Variants in ERMP1 observed in about 807,000 individuals in gnomAD.
ERMP1 encodes the protein endoplasmic reticulum metallopeptidase 1.
Under a neutral mutation model 92.0 loss-of-function variants are expected in ERMP1, and 86 were observed. The observed-to-expected ratio is 0.93, with a 90% CI of 0.79 to 1.12. The LOEUF is 1.12. ERMP1 is among the 50% of genes most tolerant of loss of function. The probability of loss-of-function intolerance (pLI) is 0.00; values close to 1 mark genes in which losing one functional copy is unlikely to be tolerated. For missense variants in ERMP1, 1,342 were observed against 1,116.3 expected, an observed-to-expected ratio of 1.20 and a Z score of -2.88; for synonymous variants, 530 against 412.8, an observed-to-expected ratio of 1.28 and a Z score of -3.44.
At chr9:5,804,203 G>A (rs149359749) in intron 10 of ERMP1, among the ~76,000 whole-genome samples, 299 of 152,270 alleles carry the variant, frequency 2.0e-3, no homozygotes, top group African/African-American at 6.9e-3. Flanking sequence ...ACCTCTGAGT[G>A]TTCAATAATT....
At chr9:5,843,686 A>G (rs892896715) in intron 6 of ERMP1, among the ~76,000 whole-genome samples, 1 of 152,202 alleles carries the variant, frequency 6.6e-6, no homozygotes, top group African/African-American at 2.4e-5. Context: ...GGAACAGTGA[A>G]TAAGTAGCAG....
chr9:5,787,547 T>A lies in ERMP1; in HGVS notation c.2433A>T (p.Thr811=). The A allele has an allele frequency of 6.2e-7, 1 of 1,613,570 alleles. No individual in the cohort carries two copies. The highest frequency in any genetic ancestry group is 8.5e-7 in the Non-Finnish European group (1 of 1,179,752). ...CATTGCCAAGAGACCACTGAGAAAG[T>A]GTTGACCCTTTGTGGGCTCGAACAT... ...SFYVRAHKGS[T]LSQWSLGNGT... is the part of the protein sequence containing the mutation. The change falls in exon 14 of 15, where the codon ACA becomes ACT. Residue 811 remains threonine (T), a synonymous_variant. Transcript: ENST00000339450.
At chr9:5,804,104 GCTCA>G (rs748498892) in intron 10 of ERMP1, among the ~76,000 whole-genome samples, 5 of 152,050 alleles carry the variant, frequency 3.3e-5, no homozygotes, top group African/African-American at 9.7e-5. Flanking sequence ...GTATGAAAAG[GCTCA>G]CTATCATCTC....
At chr9:5,795,658 T>A (rs560410076) in intron 13 of ERMP1, among the ~76,000 whole-genome samples, 311 of 151,934 alleles carry the variant, frequency 2.0e-3, no homozygotes, top group African/African-American at 6.9e-3. Flanking sequence ...GGTGCCTGTA[T>A]TCCCAGCTAC....
intron 2 of ERMP1, among the ~76,000 whole-genome samples, chr9:5,827,902 C>T (rs925285279): frequency 3.3e-5 from 5 of 152,204 alleles, no homozygotes; most frequent in Admixed American, 6.5e-5. Context: ...GGCGTGAACC[C>T]GGGAGGCAGA....
chr9:5,787,101 A>G lies in ERMP1; in HGVS notation c.*43T>C, dbSNP rs1360678778. ...GTAACATAGGGAGAAACCATGTCAC[A>G]TGGAGTATCCACTGGGCATGTACTT... is the stretch of plus-strand genomic sequence containing the variant. On this transcript the variant is annotated 3_prime_UTR_variant, in exon 15 of 15. Coordinates refer to ENST00000339450, the MANE Select transcript of ERMP1 (RefSeq NM_024896.3). The G allele has an allele frequency of 1.3e-6, 2 of 1,548,772 alleles. No homozygotes were observed. Among genetic ancestry groups the G allele is most frequent in the East Asian group, 2.2e-5 (1 of 44,458 alleles).
chr9:5,850,520 T>C (rs371214107), intron 6 of ERMP1, among the ~76,000 whole-genome samples: 25 of 151,476 alleles, frequency 1.7e-4, no homozygotes, highest in African/African-American at 5.6e-4. Flanking sequence ...GGAAACTGAA[T>C]GTTTAACAAG....
intron 10 of ERMP1, among the ~76,000 whole-genome samples, chr9:5,803,788 T>C (rs1828764062): frequency 6.6e-6 from 1 of 152,186 alleles, no homozygotes; most frequent in Admixed American, 6.5e-5. Context: ...GAACTTTTCA[T>C]ACAGCCCTAT....
At chr9:5,834,049 C>A (rs1289039680), upstream of ERMP1, among the ~76,000 whole-genome samples, 1 of 152,228 alleles carries the variant, frequency 6.6e-6, no homozygotes, top group Non-Finnish European at 1.5e-5. Context: ...TTTGACTTAG[C>A]ACATATGTCA....
chr9:5,830,928 T>C lies in ERMP1; in HGVS notation c.439A>G (p.Ile147Val). The change falls in exon 2 of 15, where the codon ATT (isoleucine) becomes GTT (valine). Residue 147 changes from isoleucine (I) to valine (V), a missense_variant. Physicochemically the swap from Ile to Val is conservative, Grantham distance 29. Transcript: ENST00000339450. ...TGAAGGCTGTTGCTTTGCACTTCAA[T>C]CAGTTTAATCTGTTCCAAAAGGTAG... Reference protein sequence around the residue: ...VHYLLEQIKLIEVQSNSLHKI... With the variant: ...VHYLLEQIKLVEVQSNSLHKI... 6.2e-7 allele frequency: 1 copy of C among 1,614,126 alleles called. No individual in the cohort carries two copies. Among genetic ancestry groups the C allele is most frequent in the Non-Finnish European group, 8.5e-7 (1 of 1,179,962 alleles).
chr9:5,864,122 T>C (rs1830580770), intron 5 of ERMP1, among the ~76,000 whole-genome samples: 1 of 152,236 alleles, frequency 6.6e-6, no homozygotes, highest in Non-Finnish European at 1.5e-5. Flanking sequence ...TGAAGTAGCA[T>C]GTCAATTTGA....
At position 5,811,240 on chromosome 9, in the gene ERMP1, C is replaced by T; in HGVS notation, c.1198G>A (p.Val400Ile). 1 of 1,613,656 alleles carries T rather than the reference C, an allele frequency of 6.2e-7. No individual in the cohort carries two copies. The highest frequency in any genetic ancestry group is 8.5e-7 in the Non-Finnish European group (1 of 1,179,900). The change falls in exon 7 of 15, where the codon GTC becomes ATC. Residue 400 changes from valine to isoleucine, a missense_variant. Transcript: ENST00000339450. Reference sequence around the variant, plus strand: ...AACAGGCCCAGCACATCAAAGAAGACCATGTTTCCATGTCGATACTTAGAA... The same window carrying T: ...AACAGGCCCAGCACATCAAAGAAGATCATGTTTCCATGTCGATACTTAGAA... Reference protein sequence around the residue: ...AASKYRHGNMVFFDVLGLFVI... With the variant: ...AASKYRHGNMIFFDVLGLFVI...
At chr9:5,787,745 T>TGG (rs1209520827) in intron 13 of ERMP1, 152 bp from the exon 14 acceptor site, 1 of 678,680 alleles carries the variant, frequency 1.5e-6, no homozygotes, top group African/African-American at 1.8e-5. Flanking sequence ...GTTTGGACAC[T>TGG]TAGTGTGAAT....
At chr9:5,865,757 G>T (rs2129793431) in intron 5 of ERMP1, among the ~76,000 whole-genome samples, 2 of 147,984 alleles carry the variant, frequency 1.4e-5, no homozygotes, top group African/African-American at 2.5e-5. Context: ...AGAATCGCTG[G>T]AAACTGGGAG....
intron 4 of ERMP1, among the ~76,000 whole-genome samples, chr9:5,818,023 G>C (rs1205026644): frequency 6.6e-6 from 1 of 152,152 alleles, no homozygotes; most frequent in Non-Finnish European, 1.5e-5. Context: ...TTCAAGAATA[G>C]ATCACATGGT....
intron 13 of ERMP1, among the ~76,000 whole-genome samples, chr9:5,788,164 G>A (rs1296237671): frequency 1.3e-5 from 2 of 152,146 alleles, no homozygotes; most frequent in Non-Finnish European, 2.9e-5. Flanking sequence ...CACACCCTCA[G>A]CCTAACTTAA....
intron 8 of ERMP1, among the ~76,000 whole-genome samples, chr9:5,806,878 CAA>C (rs1828892293): frequency 6.6e-6 from 1 of 152,156 alleles, no homozygotes. Flanking sequence ...TTCAAGGGCT[CAA>C]GAGTTTCTGT....
rs771300786 is a variant in ERMP1, at chr9:5,830,956, C to T, written c.411G>A (p.Val137=). 6 of 1,614,080 alleles carry T rather than the reference C, an allele frequency of 3.7e-6. No individual in the cohort carries two copies. The Admixed American group carries it at 6.7e-5, about 18-fold the overall frequency. Residue 137 remains valine, a synonymous_variant, in exon 2 of 15, where the codon GTG becomes GTA. Transcript: ENST00000339450. The part of the protein sequence containing the change: ...TGSPENEILT[V]HYLLEQIKLI... ...GTTTAATCTGTTCCAAAAGGTAGTG[C>T]ACGGTCAGAATTTCATTTTCTGGAC...
intron 1 of ERMP1, 81 bp downstream of exon 1, chr9:5,832,609 G>T: frequency 8.8e-7 from 1 of 1,135,442 alleles, no homozygotes; most frequent in Non-Finnish European, 1.2e-6. Flanking sequence ...AGGGGCGGGT[G>T]CACACAGGTG....
Sources: gnomAD v4.1 joint callset for allele counts (sites outside exome capture counted in the v4.1 genomes callset) on GRCh38, gnomAD v4.1.1 for gene constraint, MANE v1.5 for transcripts, NCBI Gene and HGNC (gene_info 2026-07-23, HGNC 2026-07-21) for gene names.